Variants in TRPM2 observed in about 807,000 individuals in gnomAD.
TRPM2 encodes transient receptor potential cation channel subfamily M member 2.
In TRPM2, 161 loss-of-function variants were observed where a neutral mutation model predicts 174.0. That is an observed-to-expected ratio of 0.93 (90% confidence interval 0.81 to 1.05). TRPM2 has a LOEUF of 1.05. TRPM2 is among the 50% of genes least tolerant of loss of function. The pLI, the probability that TRPM2 is intolerant of heterozygous loss-of-function variation, is 0.00. For synonymous variants in TRPM2, 954 were observed against 861.3 expected (o/e 1.11, Z -1.88); for missense variants, 2,057 against 2,038.0 (o/e 1.01, Z -0.18).
At chr21:44,405,780 C>T in intron 17 of TRPM2, 125 bp from the exon 18 acceptor site, 1 of 1,169,908 alleles carries the variant, frequency 8.5e-7, no homozygotes, top group Non-Finnish European at 1.2e-6. Context: ...GGATGCAGGG[C>T]CCACCAGAGC....
intron 5 of TRPM2, among the ~76,000 whole-genome samples, chr21:44,373,340 C>T (rs1295069859): frequency 6.6e-6 from 1 of 152,160 alleles, no homozygotes; most frequent in Admixed American, 6.5e-5. Context: ...GCACCCACCA[C>T]CATGCCCAGC....
intron 2 of TRPM2, among the ~76,000 whole-genome samples, chr21:44,356,073 G>A (rs1457261391): frequency 7.1e-6 from 1 of 141,276 alleles, no homozygotes; most frequent in Admixed American, 6.9e-5. Context: ...GGCCGGGCGC[G>A]GTGGCTCACG....
intron 19 of TRPM2, among the ~76,000 whole-genome samples, chr21:44,406,993 C>T (rs2049911059): frequency 6.7e-6 from 1 of 150,034 alleles, no homozygotes; most frequent in African/African-American, 2.5e-5. Flanking sequence ...GTGAGTGGTG[C>T]CACGCAGAGG....
At chr21:44,359,875 G>A (rs966219903) in intron 2 of TRPM2, among the ~76,000 whole-genome samples, 16 of 152,072 alleles carry the variant, frequency 1.1e-4, no homozygotes, top group African/African-American at 3.9e-4. Flanking sequence ...AGCCTCCTGA[G>A]TAGCGGGGAC....
rs113243419 is a variant in TRPM2 at position 44,406,091 on chromosome 21, C to T, written c.2790+54C>T. 6.7e-3 allele frequency: 10,652 copies of T among 1,591,904 alleles called. 52 individuals carry two copies. Among genetic ancestry groups the T allele is most frequent in the African/African-American group, 0.013 (972 of 74,890 alleles). ...GCGGCCTGCAGCCCAGGGTGGGCCT[C>T]GGGGAGGGCAGGCCCCTTGCCAGTG... On this transcript the variant is annotated intron_variant, in intron 18 of 31. Transcript: ENST00000397928.
At position 44,426,295 on chromosome 21, in the gene TRPM2, T is replaced by C. The variant is rs557313564; in HGVS notation, c.3796-365T>C. The stretch of plus-strand genomic sequence containing the variant: ...TGGTGCAGGGCTTCTCTCTGGCCTA[T>C]CCAGAACATTCCAGGCTGCTGCTTC... On this transcript the variant is annotated intron_variant, in intron 25 of 31. Transcript: ENST00000397928. Among the ~76,000 whole-genome samples the C allele has an allele frequency of 4.5e-4, 69 of 152,264 alleles. 1 individual carries two copies. The highest frequency in any genetic ancestry group is 1.7e-3 in the African/African-American group (69 of 41,554).
At chr21:44,414,178 G>A (rs2050199543) in intron 20 of TRPM2, 104 bp downstream of exon 20, 1 of 1,424,882 alleles carries the variant, frequency 7.0e-7, no homozygotes, top group Non-Finnish European at 9.6e-7. Context: ...TGTGGATGAT[G>A]GGCTGGTGCA....
intron 5 of TRPM2, among the ~76,000 whole-genome samples, chr21:44,373,041 T>A (rs1055991938): frequency 2.0e-5 from 3 of 152,144 alleles, no homozygotes; most frequent in African/African-American, 7.2e-5. Context: ...TTTCTGCCAG[T>A]AGACAAAAAG....
intron 22 of TRPM2, 122 bp downstream of exon 22, chr21:44,418,677 C>A: frequency 8.0e-7 from 1 of 1,257,434 alleles, no homozygotes; most frequent in Non-Finnish European, 1.1e-6. Context: ...GGTGAGGGAG[C>A]GCTGTATCCC....
In TRPM2 at chr21:44,441,847, C is replaced by T. The variant is rs1384366250; in HGVS notation, c.*30C>T. On this transcript the variant is annotated 3_prime_UTR_variant, in exon 32 of 32. Transcript: ENST00000397928. ...GCCCTCAGGCTGGGCGGCTCCAGTCCATAGACGTTCCCCCCAGAAACCAGG... is the reference window on the plus strand; with the variant it reads ...GCCCTCAGGCTGGGCGGCTCCAGTCTATAGACGTTCCCCCCAGAAACCAGG... The T allele has an allele frequency of 2.6e-6, 4 of 1,565,652 alleles. No homozygotes were observed. The highest frequency in any genetic ancestry group is 3.5e-6 in the Non-Finnish European group (4 of 1,153,326).
Position 44,367,002 on chromosome 21 carries a change from CA to C in TRPM2, c.604+70del. On this transcript the variant is annotated intron_variant, in intron 4 of 31. Transcript: ENST00000397928. This position sits in a 1 kb window ranked among gnomAD's most constrained non-coding sequence, Gnocchi z 4.6. ...GTGGGCTGTGGAGGCAGTGCTGGGG[CA>C]ATCAGGGCCATCAGGACCCAAAAAG... 2.0e-6 allele frequency: 3 copies of C among 1,486,640 alleles called. No individual in the cohort carries two copies. The South Asian group carries it at 4.1e-5, about 20-fold the overall frequency. The allele number at this position is 1,486,640 out of a possible 1,614,324, so 92.1% of individuals were successfully genotyped here. A position where few individuals can be genotyped will look rare whatever the true frequency, so the allele number is the denominator to read the frequency against.
chr21:44,362,348 C>CAAAAAAAAAAAAAAA (rs57031573), intron 2 of TRPM2, among the ~76,000 whole-genome samples: 17 of 89,246 alleles, frequency 1.9e-4, no homozygotes, highest in African/African-American at 5.4e-4. Context: ...ACTAAAAATA[C>CAAAAAAAAAAAAAAA]AAAAAAAAAA....
intron 9 of TRPM2, among the ~76,000 whole-genome samples, chr21:44,388,714 A>T (rs2049085042): frequency 1.3e-5 from 2 of 151,172 alleles, no homozygotes; most frequent in Admixed American, 6.6e-5. Context: ...TTAGTTACTC[A>T]AGAGGCTGAG....
In TRPM2 at chr21:44,405,965, C is replaced by T. The variant is rs1365218445; in HGVS notation, c.2718C>T (p.Phe906=). ...TCCTCTCTCTGGACTTCATCCTGTTCTGCCTCCGGCTCATGCACATTTTTA... is the reference window on the plus strand; with the variant it reads ...TCCTCTCTCTGGACTTCATCCTGTTTTGCCTCCGGCTCATGCACATTTTTA... ...RVILSLDFIL[F]CLRLMHIFTI... is the part of the protein sequence containing the mutation. The change falls in exon 18 of 32, where the codon TTC becomes TTT. Residue 906 remains phenylalanine (F), a synonymous_variant. Coordinates refer to ENST00000397928, the MANE Select transcript of TRPM2 (RefSeq NM_003307.4). The T allele has an allele frequency of 2.5e-6, 4 of 1,608,642 alleles. No homozygotes were observed. Among genetic ancestry groups the T allele is most frequent in the Non-Finnish European group, 3.4e-6 (4 of 1,179,758 alleles).
At chr21:44,434,526 AG>A (rs1370153013) in intron 27 of TRPM2, among the ~76,000 whole-genome samples, 1 of 151,968 alleles carries the variant, frequency 6.6e-6, no homozygotes, top group African/African-American at 2.4e-5. Flanking sequence ...CTTCTGTTTT[AG>A]TGGTACATTC....
At chr21:44,382,888 C>A in intron 9 of TRPM2, 68 bp downstream of exon 9, 1 of 1,425,974 alleles carries the variant, frequency 7.0e-7, no homozygotes, top group Non-Finnish European at 9.7e-7. Context: ...ACGCCAAGTT[C>A]TAGTCTTGAA....
intron 13 of TRPM2, among the ~76,000 whole-genome samples, chr21:44,398,206 G>GTTTTTTTTTTTTT (rs34051764): frequency 2.1e-5 from 3 of 144,732 alleles, no homozygotes; most frequent in African/African-American, 8.0e-5. Flanking sequence ...TTTGGAGACT[G>GTTTTTTTTTTTTT]TTTTTTTTTT....
At chr21:44,407,874 TAA>T (rs956665264) in intron 19 of TRPM2, among the ~76,000 whole-genome samples, 1 of 151,124 alleles carries the variant, frequency 6.6e-6, no homozygotes, top group African/African-American at 2.4e-5. Flanking sequence ...TCCTTTTTTT[TAA>T]AAAAAATTAA....
upstream of TRPM2, chr21:44,353,458 C>T (rs1209499895): frequency 1.1e-5 from 5 of 449,794 alleles, no homozygotes; most frequent in Non-Finnish European, 1.8e-5. Flanking sequence ...TGTCCGGGGG[C>T]CCCAGCCAAG....
Sources: gnomAD v4.1 joint callset for allele counts (sites outside exome capture counted in the v4.1 genomes callset) on GRCh38, gnomAD v4.1.1 for gene constraint, Gnocchi (gnomAD v3.1) non-coding constraint, MANE v1.5 for transcripts, NCBI Gene and HGNC (gene_info 2026-07-23, HGNC 2026-07-21) for gene names.